The following RNF144A variants were observed in gnomAD, a reference collection of about 807,000 sequenced individuals.
RNF144A encodes the protein ring finger protein 144A, also known as E3 ubiquitin-protein ligase RNF144A.
Under a neutral mutation model 38.7 loss-of-function variants are expected in RNF144A, and 11 were observed. The ratio of observed to expected loss-of-function variants is 0.28; its 90% CI spans 0.18 to 0.47. The LOEUF (loss-of-function observed/expected upper bound fraction) is 0.47. Ranked by LOEUF, RNF144A falls within the 20% of genes least tolerant of loss-of-function variation. RNF144A has a pLI of 0.99. For missense variants in RNF144A, 316 were observed against 377.2 expected (o/e 0.84, Z 1.34); for synonymous variants, 149 against 143.9 (o/e 1.04, Z -0.25).
At chr2:7,026,279 G>A (rs888467167) in intron 7 of RNF144A, among the ~76,000 whole-genome samples, 7 of 152,180 alleles carry the variant, frequency 4.6e-5, no homozygotes, top group Admixed American at 6.5e-5. Context: ...ATTAATAGTA[G>A]AACGTGATGC....
rs1664187182 is a variant in RNF144A at position 6,917,458 on chromosome 2, C to G, written c.-376C>G. 6.8e-6 allele frequency: 1 copy of G among 146,906 alleles called. No individual in the cohort carries two copies. Among genetic ancestry groups the G allele is most frequent in the Non-Finnish European group, 1.5e-5 (1 of 66,068 alleles). The allele number at this position is 146,906 out of a possible 1,614,324, so 9.1% of individuals were successfully genotyped here. ...GCCCGCGCAGCCGCTTCTCCCCGCG[C>G]GGGCTCTCGGCAGGCGGGAGGCGGC... On this transcript the variant is annotated 5_prime_UTR_variant, in exon 1 of 9. Coordinates refer to ENST00000320892, the MANE Select transcript of RNF144A (RefSeq NM_014746.6). The surrounding 1 kb of genome is among the most constrained non-coding windows in gnomAD (Gnocchi z 4.8).
At chr2:6,955,347 A>G (rs1173766409) in intron 2 of RNF144A, among the ~76,000 whole-genome samples, 1 of 152,210 alleles carries the variant, frequency 6.6e-6, no homozygotes, top group African/African-American at 2.4e-5. Flanking sequence ...ACCCCCATCA[A>G]CTAAGGCTTC....
intron 2 of RNF144A, among the ~76,000 whole-genome samples, chr2:6,964,529 A>C (rs1294524868): frequency 6.6e-6 from 1 of 152,262 alleles, no homozygotes; most frequent in Non-Finnish European, 1.5e-5. Context: ...ACGTATGTTT[A>C]TTGTGGCACT....
Position 7,041,131 on chromosome 2 carries a change from T to C in RNF144A, c.*1371T>C. The stretch of plus-strand genomic sequence containing the variant: ...AAAACTTCTAAAAATAACAGGCAAA[T>C]ATTGTAGCTATATTACAGTGGGATT... On this transcript the variant is annotated 3_prime_UTR_variant, in exon 9 of 9. Transcript: ENST00000320892. 1.0e-6 allele frequency: 1 copy of C among 980,642 alleles called. No individual in the cohort carries two copies. The highest frequency in any genetic ancestry group is 1.2e-6 in the Non-Finnish European group (1 of 825,614). 60.7% of individuals were successfully genotyped at this position (980,642 alleles called of 1,614,324 possible).
intron 6 of RNF144A, among the ~76,000 whole-genome samples, chr2:7,066,924 G>C (rs997443955): frequency 6.6e-6 from 1 of 152,198 alleles, no homozygotes; most frequent in Non-Finnish European, 1.5e-5. Context: ...TGTTTAGTCT[G>C]AGATTCCCCT....
At chr2:6,955,822 G>A (rs1666965745) in intron 2 of RNF144A, among the ~76,000 whole-genome samples, 1 of 152,034 alleles carries the variant, frequency 6.6e-6, no homozygotes, top group African/African-American at 2.4e-5. Flanking sequence ...GCCCTTTACT[G>A]GTCTTCTAGA....
intron 2 of RNF144A, among the ~76,000 whole-genome samples, chr2:6,951,973 T>TC (rs1395023716): frequency 2.0e-5 from 3 of 152,218 alleles, no homozygotes; most frequent in African/African-American, 7.2e-5. Context: ...AGACATCCTT[T>TC]CCTCCAGCCT....
chr2:7,014,542 A>C lies in RNF144A; in HGVS notation c.224A>C (p.His75Pro). Residue 75 changes from histidine to proline, a missense_variant, in exon 4 of 9, where the codon CAC becomes CCC. Transcript: ENST00000320892. The stretch of plus-strand genomic sequence containing the variant: ...GATGCTGCCTGCCCTAAACAGGGCC[A>C]CCTACAGGAGAACGAGGCATGTGCA... ...CPDAACPKQG[H>P]LQENEIECMV... is the part of the protein sequence containing the mutation. 2 of 1,602,332 alleles carry C rather than the reference A, an allele frequency of 1.2e-6. No individual in the cohort carries two copies. Among genetic ancestry groups the C allele is most frequent in the Non-Finnish European group, 1.7e-6 (2 of 1,174,464 alleles).
At chr2:7,065,990 G>A (rs1313014349) in intron 6 of RNF144A, among the ~76,000 whole-genome samples, 3 of 152,118 alleles carry the variant, frequency 2.0e-5, no homozygotes, top group Non-Finnish European at 2.9e-5. Context: ...TGAATGAACT[G>A]ATGAGGACAA....
At chr2:6,985,635 T>TCTCGATCTCC in intron 2 of RNF144A, among the ~76,000 whole-genome samples, 2 of 152,240 alleles carry the variant, frequency 1.3e-5, no homozygotes, top group African/African-American at 4.8e-5. Context: ...TGCTCTGAAG[T>TCTCGATCTCC]TGATCGGTAT....
chr2:6,988,928 G>GT (rs986007948), intron 2 of RNF144A, among the ~76,000 whole-genome samples: 11 of 151,752 alleles, frequency 7.2e-5, no homozygotes, highest in East Asian at 3.9e-4. Context: ...CTGTTGCTCT[G>GT]TTTTTTTTCA....
intron 8 of RNF144A, among the ~76,000 whole-genome samples, chr2:7,038,739 A>G (rs1032613704): frequency 2.0e-5 from 3 of 152,162 alleles, no homozygotes; most frequent in African/African-American, 7.2e-5. Flanking sequence ...ATGGAAGGGT[A>G]TAGACTGGTG....
intron 2 of RNF144A, among the ~76,000 whole-genome samples, chr2:6,954,025 G>A (rs542916418): frequency 3.3e-5 from 5 of 151,786 alleles, no homozygotes; most frequent in Admixed American, 1.3e-4. Flanking sequence ...CTGTTTTGTC[G>A]ATAGCTTTCT....
chr2:6,972,927 G>A lies in RNF144A; in HGVS notation c.-11-23989G>A, dbSNP rs1485597823. On this transcript the variant is annotated intron_variant, in intron 2 of 8. Transcript: ENST00000320892. ...CCAGCACCAGTGAAGCCCAAGAGAT[G>A]GTCACGTTTATGGTTTGAAGAGTAG... Among the ~76,000 whole-genome samples, 2 of 152,188 alleles carry A rather than the reference G, an allele frequency of 1.3e-5. 1 individual carries two copies. The highest frequency in any genetic ancestry group is 4.8e-5 in the African/African-American group (2 of 41,444).
In RNF144A at chr2:6,989,767, C is replaced by T. The variant is rs572589923; in HGVS notation, c.-11-7149C>T. ...TTCAAGCCTCCTCTGCTCTCCCAGC[C>T]GCCCCCCTCCAAGCTACCAGTAACC... On this transcript the variant is annotated intron_variant, in intron 2 of 8. Coordinates refer to ENST00000320892, the MANE Select transcript of RNF144A (RefSeq NM_014746.6). Among the ~76,000 whole-genome samples the T allele has an allele frequency of 8.8e-4, 134 of 152,132 alleles. 1 individual carries two copies. Among genetic ancestry groups the T allele is most frequent in the African/African-American group, 2.9e-3 (122 of 41,448 alleles).
chr2:6,967,169 G>A (rs1207486213), intron 2 of RNF144A, among the ~76,000 whole-genome samples: 2 of 152,118 alleles, frequency 1.3e-5, no homozygotes. Flanking sequence ...CCGAGTCAAG[G>A]TTCTTATCAG....
At chr2:6,964,193 T>G (rs1259090886) in intron 2 of RNF144A, among the ~76,000 whole-genome samples, 1 of 152,190 alleles carries the variant, frequency 6.6e-6, no homozygotes, top group Non-Finnish European at 1.5e-5. Context: ...TGAAGACATT[T>G]ATGCAGCCAA....
At chr2:6,990,165 A>T (rs1413606279) in intron 2 of RNF144A, among the ~76,000 whole-genome samples, 1 of 152,096 alleles carries the variant, frequency 6.6e-6, no homozygotes, top group South Asian at 2.1e-4. Context: ...GGAGGCTGGA[A>T]GTCTGAGAGG....
intron 3 of RNF144A, among the ~76,000 whole-genome samples, chr2:7,004,136 C>T (rs1670288147): frequency 2.0e-5 from 3 of 152,236 alleles, no homozygotes; most frequent in African/African-American, 7.2e-5. Flanking sequence ...ACTGCCTTTG[C>T]GTGTGCACTC....
Sources: gnomAD v4.1 joint callset for allele counts (sites outside exome capture counted in the v4.1 genomes callset) on GRCh38, gnomAD v4.1.1 for gene constraint, Gnocchi (gnomAD v3.1) non-coding constraint, MANE v1.5 for transcripts, NCBI Gene and HGNC (gene_info 2026-07-23, HGNC 2026-07-21) for gene names.